KIAA1217: variants seen among roughly 807,000 people sequenced by gnomAD.
KIAA1217 encodes sickle tail protein homolog.
In KIAA1217, 88 loss-of-function variants were observed where a neutral mutation model predicts 163.9. The ratio of observed to expected loss-of-function variants is 0.54; its 90% CI spans 0.45 to 0.64. KIAA1217 has a LOEUF of 0.64. Among genes scored for constraint, KIAA1217 ranks in the 30% least tolerant of loss-of-function variants. KIAA1217 has a pLI of 0.00. For missense variants in KIAA1217, 2,372 were observed against 2,475.0 expected (o/e 0.96, Z 0.88); for synonymous variants, 903 against 923.1 (o/e 0.98, Z 0.39).
chr10:24,348,026 G>A (rs1413775397), intron 2 of KIAA1217, among the ~76,000 whole-genome samples: 1 of 152,168 alleles, frequency 6.6e-6, no homozygotes, highest in Non-Finnish European at 1.5e-5. Context: ...CTATATGAGT[G>A]AAAGATAATT....
intron 4 of KIAA1217, among the ~76,000 whole-genome samples, chr10:24,436,110 C>T (rs1307566605): frequency 6.6e-6 from 1 of 152,092 alleles, no homozygotes; most frequent in Non-Finnish European, 1.5e-5. Flanking sequence ...ATCTGCCCAC[C>T]TCGGCCTCCC....
At chr10:24,314,506 C>T (rs1247428388) in intron 2 of KIAA1217, among the ~76,000 whole-genome samples, 2 of 152,168 alleles carry the variant, frequency 1.3e-5, no homozygotes, top group African/African-American at 4.8e-5. Context: ...CATGTGCTCA[C>T]GCATGTTATA....
intron 3 of KIAA1217, among the ~76,000 whole-genome samples, chr10:24,401,447 T>C (rs1219341794): frequency 1.3e-5 from 2 of 152,076 alleles, no homozygotes; most frequent in Non-Finnish European, 2.9e-5. Context: ...ATTTGAAAAT[T>C]TATAAAGTAA....
At position 24,209,264 on chromosome 10, in the gene KIAA1217, G is replaced by GT. The variant is rs757192603; in HGVS notation, c.70+2dup. The GT allele has an allele frequency of 1.9e-6, 3 of 1,611,702 alleles. No homozygotes were observed. The highest frequency in any genetic ancestry group is 3.3e-5 in the Admixed American group (2 of 59,968). The stretch of plus-strand genomic sequence containing the variant: ...TCAGCAGACAGAAGACAGATGCAGG[G>GT]TAAGTAACAGACCCATTCAAAGATG... On this transcript the variant is annotated splice_donor_variant, in intron 1 of 20. Coordinates refer to ENST00000376454, the MANE Select transcript of KIAA1217 (RefSeq NM_019590.5). LOFTEE classifies it high-confidence loss of function.
intron 1 of KIAA1217, among the ~76,000 whole-genome samples, chr10:23,756,264 G>A (rs535700120): frequency 1.4e-4 from 21 of 151,856 alleles, no homozygotes; most frequent in African/African-American, 5.1e-4. Flanking sequence ...CACCCAGCCT[G>A]AGTCCTATTT....
intron 2 of KIAA1217, among the ~76,000 whole-genome samples, chr10:24,025,099 T>A (rs1174686585): frequency 1.3e-5 from 2 of 151,772 alleles, no homozygotes; most frequent in Non-Finnish European, 3.0e-5. Context: ...TAACCTAAAG[T>A]CACAAAATAT....
intron 2 of KIAA1217, among the ~76,000 whole-genome samples, chr10:24,193,904 T>A (rs562815227): frequency 1.3e-5 from 2 of 149,426 alleles, no homozygotes; most frequent in Non-Finnish European, 3.0e-5. Context: ...TAATTTAAAA[T>A]AGGCCAGGTG....
intron 5 of KIAA1217, among the ~76,000 whole-genome samples, chr10:24,440,032 G>C (rs779014430): frequency 2.0e-5 from 3 of 152,222 alleles, no homozygotes; most frequent in Admixed American, 6.5e-5. Context: ...GAGAAGGTCT[G>C]TCCTTCTGGA....
intron 2 of KIAA1217, among the ~76,000 whole-genome samples, chr10:24,279,659 CATT>C (rs1168228148): frequency 6.6e-6 from 1 of 152,150 alleles, no homozygotes; most frequent in African/African-American, 2.4e-5. Context: ...TAGAGCTTCT[CATT>C]ATGAATCTGG....
chr10:23,817,962 CAT>C (rs71397918), intron 1 of KIAA1217, among the ~76,000 whole-genome samples: 5,870 of 53,596 alleles, frequency 0.11, 292 homozygotes, highest in African/African-American at 0.12. Context: ...TGTGGTGGCA[CAT>C]ATATATATAT....
chr10:23,727,341 A>C (rs996376590), intron 1 of KIAA1217, among the ~76,000 whole-genome samples: 1 of 143,134 alleles, frequency 7.0e-6, no homozygotes, highest in Non-Finnish European at 1.5e-5. Flanking sequence ...TGGGTGGATC[A>C]CCTAAGGCCA....
At chr10:24,485,375 T>C (rs1465435350) in intron 6 of KIAA1217, among the ~76,000 whole-genome samples, 3 of 152,180 alleles carry the variant, frequency 2.0e-5, no homozygotes, top group Non-Finnish European at 4.4e-5. Flanking sequence ...TAATTGACCT[T>C]GTCCAGGACT....
intron 10 of KIAA1217, 141 bp from the exon 11 acceptor site, chr10:24,519,982 T>TCCA (rs1369126721): frequency 8.8e-6 from 8 of 910,874 alleles, no homozygotes; most frequent in Non-Finnish European, 1.3e-5. Context: ...GCGACCCCCC[T>TCCA]CCACCACCAC....
intron 2 of KIAA1217, among the ~76,000 whole-genome samples, chr10:24,108,348 G>T (rs2062710591): frequency 6.6e-6 from 1 of 152,136 alleles, no homozygotes; most frequent in Admixed American, 6.5e-5. Flanking sequence ...AATGATTGGG[G>T]GTTTCTTAAG....
At chr10:24,402,383 C>G (rs960598684) in intron 3 of KIAA1217, among the ~76,000 whole-genome samples, 1 of 151,842 alleles carries the variant, frequency 6.6e-6, no homozygotes, top group Admixed American at 6.6e-5. Context: ...TTGGTGGGCG[C>G]CTGTAGTCCC....
chr10:23,871,464 C>A (rs1489020035), intron 1 of KIAA1217, among the ~76,000 whole-genome samples: 1 of 152,034 alleles, frequency 6.6e-6, no homozygotes, highest in African/African-American at 2.4e-5. Flanking sequence ...GAGGGAAGTT[C>A]TGTCCTCATT....
intron 2 of KIAA1217, among the ~76,000 whole-genome samples, chr10:24,129,028 T>C (rs751750534): frequency 6.6e-6 from 1 of 152,188 alleles, no homozygotes; most frequent in Admixed American, 6.5e-5. Context: ...TCCCTCTTTG[T>C]ATAGGGTAGT....
Position 24,524,504 on chromosome 10 carries a change from T to C in KIAA1217, c.2638T>C (p.Ser880Pro), listed in dbSNP as rs2071789672. ...GDAKSEVVPL[S>P]GMMVRHAQSS... ...TGCGAAGTCGGAAGTGGTGCCTTTG[T>C]CCGGCATGATGGTTCGCCACGCGCA... is the stretch of plus-strand genomic sequence containing the variant. The change falls in exon 13 of 21, where the codon TCC (serine) becomes CCC (proline). Residue 880 changes from serine to proline, a missense_variant. Ser to Pro is a moderately conservative substitution (Grantham distance 74). This residue lies in a region of KIAA1217 where 1,431 missense variants were observed against 1,470.3 expected (regional missense o/e 0.97). Transcript: ENST00000376454. The C allele has an allele frequency of 6.2e-7, 1 of 1,614,030 alleles. No individual in the cohort carries two copies. The highest frequency in any genetic ancestry group is 1.3e-5 in the African/African-American group (1 of 74,922).
intron 9 of KIAA1217, among the ~76,000 whole-genome samples, chr10:24,507,437 A>G (rs2068519270): frequency 1.3e-5 from 2 of 152,232 alleles, no homozygotes; most frequent in African/African-American, 4.8e-5. Flanking sequence ...AAAGGAAGAC[A>G]TGAACATAAT....
Sources: gnomAD v4.1 joint callset for allele counts (sites outside exome capture counted in the v4.1 genomes callset) on GRCh38, gnomAD v4.1.1 for gene constraint, gnomAD v4.1.1 regional missense constraint, MANE v1.5 for transcripts, NCBI Gene and HGNC (gene_info 2026-07-23, HGNC 2026-07-21) for gene names.